The following PABPN1 variants were observed in gnomAD, a reference collection of about 807,000 sequenced individuals.
PABPN1 encodes poly(A) binding protein nuclear 1, also known as polyadenylate-binding protein 2.
A neutral mutation model predicts 33.4 loss-of-function variants in PABPN1; 5 were observed. The ratio of observed to expected loss-of-function variants is 0.15; its 90% CI spans 0.08 to 0.32. The LOEUF (loss-of-function observed/expected upper bound fraction) is 0.32. Among genes scored for constraint, PABPN1 ranks in the 10% least tolerant of loss-of-function variants. The pLI is 1.00. For synonymous variants in PABPN1, 176 were observed against 170.6 expected (o/e 1.03, Z -0.25); for missense variants, 312 against 425.8 (o/e 0.73, Z 2.35).
Position 23,321,744 on chromosome 14 carries a change from C to A in PABPN1, c.275C>A (p.Ala92Asp), listed in dbSNP as rs1045766366. The A allele has an allele frequency of 6.5e-6, 10 of 1,538,308 alleles. No individual in the cohort carries two copies. Among genetic ancestry groups the A allele is most frequent in the African/African-American group, 1.4e-5 (1 of 71,808 alleles). The change falls in exon 1 of 7, where the codon GCC becomes GAC. Residue 92 changes from alanine (A) to aspartate (D), a missense_variant. Physicochemically the swap from Ala to Asp is moderately radical, Grantham distance 126 (BLOSUM62 -2). This residue lies in a region of PABPN1 where 167 missense variants were observed against 168.9 expected (regional missense o/e 0.99). Coordinates refer to ENST00000216727, the MANE Select transcript of PABPN1 (RefSeq NM_004643.4). Reference sequence around the variant, plus strand: ...CCGGGCCCTGGGCCTGGTTCGGGAGCCCCCGGCAGCCAAGAGGAGGAGGAG... The same window carrying A: ...CCGGGCCCTGGGCCTGGTTCGGGAGACCCCGGCAGCCAAGAGGAGGAGGAG... ...GAPGPGPGSGAPGSQEEEEEP... is the reference protein window; with the variant it reads ...GAPGPGPGSGDPGSQEEEEEP...
intron 5 of PABPN1, 36 bp downstream of exon 5, chr14:23,324,088 A>G: frequency 6.2e-7 from 1 of 1,614,192 alleles, no homozygotes; most frequent in Non-Finnish European, 8.5e-7. Flanking sequence ...AGTTGTGTAT[A>G]AACTCTCCAG....
chr14:23,323,756 C>A (rs1888509558), intron 4 of PABPN1, among the ~76,000 whole-genome samples: 2 of 152,146 alleles, frequency 1.3e-5, no homozygotes, highest in South Asian at 4.1e-4. Context: ...AATTCAGGCC[C>A]TGTGTGTCTT....
At position 23,321,732 on chromosome 14, in the gene PABPN1, C is replaced by T; in HGVS notation, c.263C>T (p.Pro88Leu). The T allele has an allele frequency of 6.5e-7, 1 of 1,542,042 alleles. No individual in the cohort carries two copies. The highest frequency in any genetic ancestry group is 1.4e-5 in the African/African-American group (1 of 72,222). ...CCCCCGGGAGCTCCGGGCCCTGGGC[C>T]TGGTTCGGGAGCCCCCGGCAGCCAA... ...RAPPGAPGPG[P>L]GSGAPGSQEE... Residue 88 changes from proline (P) to leucine (L), a missense_variant, in exon 1 of 7, where the codon CCT (proline) becomes CTT (leucine). Pro to Leu is a moderately conservative substitution (Grantham distance 98). Transcript: ENST00000216727.
chr14:23,324,145 C>T lies in PABPN1; in HGVS notation c.737C>T (p.Pro246Leu). 6.2e-7 allele frequency: 1 copy of T among 1,614,180 alleles called. No homozygotes were observed. The highest frequency in any genetic ancestry group is 8.5e-7 in the Non-Finnish European group (1 of 1,180,022). Residue 246 changes from proline to leucine, a missense_variant, in exon 6 of 7, where the codon CCA becomes CTA. Coordinates refer to ENST00000216727, the MANE Select transcript of PABPN1 (RefSeq NM_004643.4). ...TGTTCATCTCTGACTCAGGTGATCC[C>T]AAAACGAACCAACAGACCAGGCATC... is the stretch of plus-strand genomic sequence containing the variant. ...LFRGRQIKVI[P>L]KRTNRPGIST...
At chr14:23,322,775 A>G in intron 2 of PABPN1, 1 of 582,710 alleles carries the variant, frequency 1.7e-6, no homozygotes, top group South Asian at 2.0e-5. Flanking sequence ...GGATTCCTAT[A>G]CTGTTTTAAG....
chr14:23,323,623 T>C (rs1337476361), intron 4 of PABPN1, 140 bp downstream of exon 4: 5 of 898,854 alleles, frequency 5.6e-6, no homozygotes, highest in African/African-American at 3.3e-5. Flanking sequence ...AATGTTGATA[T>C]ATCAGGAGTT....
rs193922941 is a variant in PABPN1 at position 23,321,471 on chromosome 14, T to TGGCGGCGGC, written c.15_23dup (p.Ala9_Ala11dup). 1.6e-5 allele frequency: 19 copies of TGGCGGCGGC among 1,155,730 alleles called. No homozygotes were observed. Among genetic ancestry groups the TGGCGGCGGC allele is most frequent in the Admixed American group, 4.8e-5 (1 of 20,966 alleles). 71.6% of individuals were successfully genotyped at this position (1,155,730 alleles called of 1,614,324 possible). ...CGGCGGGCCCCAGTCTGAGCGGCGA[T>TGGCGGCGGC]GGCGGCGGCGGCGGCGGCGGCAGCA... On this transcript the variant is annotated inframe_insertion, in exon 1 of 7. Transcript: ENST00000216727.
chr14:23,321,835 G>T lies in PABPN1; in HGVS notation c.351+15G>T. ...TTGAGGACCCGGTGAGGGAAGGAGG[G>T]CGAGCGAGCAGGCCGGCGGCTGGCC... On this transcript the variant is annotated intron_variant, in intron 1 of 6. Coordinates refer to ENST00000216727, the MANE Select transcript of PABPN1 (RefSeq NM_004643.4). The T allele has an allele frequency of 6.9e-7, 1 of 1,446,634 alleles. No individual in the cohort carries two copies. 89.6% of individuals were successfully genotyped at this position (1,446,634 alleles called of 1,614,324 possible).
intron 2 of PABPN1, 177 bp downstream of exon 2, chr14:23,322,472 A>G (rs775099173): frequency 1.5e-6 from 1 of 662,882 alleles, no homozygotes; most frequent in Non-Finnish European, 2.8e-6. Context: ...GGCAGAACGT[A>G]TATTTTGGTG....
intron 2 of PABPN1, 69 bp from the exon 3 acceptor site, chr14:23,322,930 A>C: frequency 6.2e-7 from 1 of 1,604,234 alleles, no homozygotes; most frequent in Non-Finnish European, 8.5e-7. Context: ...CTGGTGGTGG[A>C]AGTGCAACAT....
Position 23,325,228 on chromosome 14 carries a change from C to G in PABPN1, c.882-19C>G. ...ATCTAGTGATCACGTTAACACCTAA[C>G]TCTCCTTCTTTCTTCCAGGGGCCGG... On this transcript the variant is annotated intron_variant, in intron 6 of 6. Coordinates refer to ENST00000216727, the MANE Select transcript of PABPN1 (RefSeq NM_004643.4). 2 of 1,613,150 alleles carry G rather than the reference C, an allele frequency of 1.2e-6. No individual in the cohort carries two copies. The highest frequency in any genetic ancestry group is 8.5e-7 in the Non-Finnish European group (1 of 1,179,878).
rs772810662 is a variant in PABPN1 at position 23,323,075 on chromosome 14, T to C, written c.534+9T>C. The C allele has an allele frequency of 1.2e-6, 2 of 1,614,124 alleles. No individual in the cohort carries two copies. Among genetic ancestry groups the C allele is most frequent in the Non-Finnish European group, 1.7e-6 (2 of 1,179,984 alleles). ...CCATCTATGTTGGCAATGTACGTAC[T>C]GGGGCTCTGACTGGGGTTGGGGGCA... On this transcript the variant is annotated intron_variant, in intron 3 of 6. Coordinates refer to ENST00000216727, the MANE Select transcript of PABPN1 (RefSeq NM_004643.4).
At chr14:23,325,087 G>A in intron 6 of PABPN1, 160 bp from the exon 7 acceptor site, 9 of 931,822 alleles carry the variant, frequency 9.7e-6, no homozygotes, top group African/African-American at 1.7e-5. Flanking sequence ...TTCTCCAGGT[G>A]CGTTACTATT....
chr14:23,325,169 G>T, intron 6 of PABPN1, 78 bp from the exon 7 acceptor site: 1 of 1,595,238 alleles, frequency 6.3e-7, no homozygotes, highest in Non-Finnish European at 8.6e-7. Flanking sequence ...AGTAACTGGG[G>T]CAGGGGCCTA....
Position 23,322,164 on chromosome 14 carries a change from C to A in PABPN1, c.352-17C>A. 6.3e-7 allele frequency: 1 copy of A among 1,593,628 alleles called. No homozygotes were observed. Among genetic ancestry groups the A allele is most frequent in the South Asian group, 1.1e-5 (1 of 87,506 alleles). ...TTCCTCTTAAGCTGTCCTCCATACC[C>A]TCCCCACTTATATTAGGAGCTGGAA... is the stretch of plus-strand genomic sequence containing the variant. On this transcript the variant is annotated splice_polypyrimidine_tract_variant and intron_variant, in intron 1 of 6. Transcript: ENST00000216727.
At chr14:23,323,353 G>A (rs1378099097) in intron 3 of PABPN1, 24 bp from the exon 4 acceptor site, 1 of 1,611,388 alleles carries the variant, frequency 6.2e-7, no homozygotes, top group Non-Finnish European at 8.5e-7. Context: ...CCTGGTGCCT[G>A]TGAAATTTTT....
chr14:23,325,114 C>T, intron 6 of PABPN1, 133 bp from the exon 7 acceptor site: 2 of 1,183,488 alleles, frequency 1.7e-6, no homozygotes, highest in South Asian at 1.7e-5. Context: ...ATCATGGGGT[C>T]AGTTTTAGGA....
intron 2 of PABPN1, 157 bp from the exon 3 acceptor site, chr14:23,322,842 G>T: frequency 2.4e-6 from 2 of 819,392 alleles, no homozygotes; most frequent in Non-Finnish European, 4.2e-6. Flanking sequence ...TATGCACTAG[G>T]CACTATTCTC....
rs953250540 is a variant in PABPN1 at position 23,325,504 on chromosome 14, G to A, written c.*218G>A. 6.6e-6 allele frequency: 4 copies of A among 605,714 alleles called. No homozygotes were observed. The highest frequency in any genetic ancestry group is 1.1e-5 in the Non-Finnish European group (4 of 356,018). The allele number at this position is 605,714 out of a possible 1,614,324, so 37.5% of individuals were successfully genotyped here. On this transcript the variant is annotated 3_prime_UTR_variant, in exon 7 of 7. Coordinates refer to ENST00000216727, the MANE Select transcript of PABPN1 (RefSeq NM_004643.4). ...GGGGAAGGCCCAGGGAGTGGGGCAG[G>A]GGGCTGCTTATTCACTCTGGGGATT...
Sources: allele counts gnomAD v4.1 joint callset (sites outside exome capture counted in the v4.1 genomes callset), GRCh38; gene constraint gnomAD v4.1.1; regional missense constraint gnomAD v4.1.1; transcripts MANE v1.5; gene names NCBI Gene and HGNC (gene_info 2026-07-23, HGNC 2026-07-21).